Variants in DOCK3 observed in about 807,000 individuals in gnomAD.
DOCK3 encodes dedicator of cytokinesis protein 3.
Under a neutral mutation model 265.6 loss-of-function variants are expected in DOCK3, and 60 were observed. That is an observed-to-expected ratio of 0.23 (90% confidence interval 0.18 to 0.28). The LOEUF (loss-of-function observed/expected upper bound fraction) is 0.28, where lower values mean the gene tolerates loss of function less well. DOCK3 is among the 10% of genes least tolerant of loss of function. The probability of loss-of-function intolerance (pLI) is 1.00; values close to 1 mark genes in which losing one functional copy is unlikely to be tolerated. For synonymous variants in DOCK3, 881 were observed against 938.0 expected, an observed-to-expected ratio of 0.94 and a Z score of 1.11; for missense variants, 1,981 against 2,594.3, an observed-to-expected ratio of 0.76 and a Z score of 5.14.
intron 5 of DOCK3, among the ~76,000 whole-genome samples, chr3:51,021,025 T>C (rs1026460554): frequency 6.6e-6 from 1 of 152,012 alleles, no homozygotes; most frequent in Non-Finnish European, 1.5e-5. Context: ...GGTAGTTTAA[T>C]GGGAATAGCA....
chr3:51,058,244 A>G (rs887891219), intron 5 of DOCK3, among the ~76,000 whole-genome samples: 4 of 152,206 alleles, frequency 2.6e-5, no homozygotes, highest in Admixed American at 1.3e-4. Flanking sequence ...CACTGCTGCC[A>G]TATCTGTTGG....
intron 1 of DOCK3, among the ~76,000 whole-genome samples, chr3:50,761,166 T>A (rs1385955636): frequency 6.6e-6 from 1 of 152,164 alleles, no homozygotes; most frequent in African/African-American, 2.4e-5. Flanking sequence ...ATTTAGCTTT[T>A]ACTTTTATTA....
intron 27 of DOCK3, among the ~76,000 whole-genome samples, chr3:51,293,458 C>T (rs985151514): frequency 6.6e-6 from 1 of 150,828 alleles, no homozygotes; most frequent in Non-Finnish European, 1.5e-5. Context: ...TTTATCTCAC[C>T]CCCCTATAGA....
intron 51 of DOCK3, among the ~76,000 whole-genome samples, chr3:51,377,483 C>T (rs753760439): frequency 1.2e-4 from 18 of 152,144 alleles, no homozygotes; most frequent in Non-Finnish European, 1.9e-4. Flanking sequence ...GTGAGCCTGC[C>T]TTCAGGACCA....
chr3:51,288,175 T>A (rs576339991), intron 27 of DOCK3, among the ~76,000 whole-genome samples: 9 of 152,170 alleles, frequency 5.9e-5, no homozygotes, highest in African/African-American at 2.2e-4. Context: ...GGGGATCATT[T>A]GTGGTCAGGA....
At chr3:50,705,080 A>C (rs962579251) in intron 1 of DOCK3, among the ~76,000 whole-genome samples, 6 of 94,530 alleles carry the variant, frequency 6.3e-5, no homozygotes, top group Non-Finnish European at 1.3e-4. Flanking sequence ...TTCTTCTCCT[A>C]TTGTTGGCCT....
At chr3:50,996,652 G>T (rs2078295548) in intron 5 of DOCK3, among the ~76,000 whole-genome samples, 1 of 151,718 alleles carries the variant, frequency 6.6e-6, no homozygotes, top group Non-Finnish European at 1.5e-5. Context: ...TTTGATTCTT[G>T]GGGGGAAAAC....
chr3:50,835,324 C>T (rs1316895228), intron 2 of DOCK3, among the ~76,000 whole-genome samples: 1 of 152,202 alleles, frequency 6.6e-6, no homozygotes, highest in Admixed American at 6.5e-5. Flanking sequence ...ACTTAAGTCA[C>T]ATGAACTAAA....
Position 51,367,584 on chromosome 3 carries a change from G to T in DOCK3, c.5293+4910G>T, listed in dbSNP as rs182419644. Reference sequence around the variant, plus strand: ...TTAGTTGATGCAGTTTCTTTGTAGCGTTGATGGTGTTTACAATTTGGCATG... The same window carrying T: ...TTAGTTGATGCAGTTTCTTTGTAGCTTTGATGGTGTTTACAATTTGGCATG... On this transcript the variant is annotated intron_variant, in intron 49 of 52. Coordinates refer to ENST00000266037, the MANE Select transcript of DOCK3 (RefSeq NM_004947.5). Among the ~76,000 whole-genome samples the T allele has an allele frequency of 2.0e-4, 31 of 152,282 alleles. No homozygotes were observed. The East Asian group carries it at 5.0e-3, about 25-fold the overall frequency.
chr3:51,215,595 A>G (rs980905160), intron 14 of DOCK3, among the ~76,000 whole-genome samples: 1 of 152,216 alleles, frequency 6.6e-6, no homozygotes, highest in African/African-American at 2.4e-5. Context: ...TTGCCAGCAC[A>G]TACACAAAGA....
chr3:51,310,370 C>CA (rs2082999580), intron 28 of DOCK3, 44 bp downstream of exon 28: 2 of 1,482,324 alleles, frequency 1.3e-6, no homozygotes, highest in Non-Finnish European at 1.9e-6. Context: ...GAGCTGTTCT[C>CA]AGACTAAGAA....
chr3:51,106,530 C>G lies in DOCK3; in HGVS notation c.746+16146C>G, dbSNP rs552382957. Reference sequence around the variant, plus strand: ...TACATGAGTGTCCTTGCCCTTGCTTCCCCCTGCCACACCGCCATTGTTTTC... The same window carrying G: ...TACATGAGTGTCCTTGCCCTTGCTTGCCCCTGCCACACCGCCATTGTTTTC... On this transcript the variant is annotated intron_variant, in intron 9 of 52. Transcript: ENST00000266037. Among the ~76,000 whole-genome samples, 4 of 152,348 alleles carry G rather than the reference C, an allele frequency of 2.6e-5. No individual in the cohort carries two copies. In the East Asian group the frequency reaches 5.8e-4, roughly 22 times the overall value.
intron 4 of DOCK3, among the ~76,000 whole-genome samples, chr3:50,927,357 C>G (rs2108097713): frequency 6.6e-6 from 1 of 152,206 alleles, no homozygotes; most frequent in South Asian, 2.1e-4. Flanking sequence ...TTTGATAGCA[C>G]AACAGGATGT....
intron 1 of DOCK3, among the ~76,000 whole-genome samples, chr3:50,734,270 A>C (rs2038421011): frequency 6.6e-6 from 1 of 152,172 alleles, no homozygotes; most frequent in African/African-American, 2.4e-5. Flanking sequence ...ATACTTTGGG[A>C]GGCTGAGGTT....
At chr3:50,841,595 T>A in intron 2 of DOCK3, 80 bp from the exon 3 acceptor site, 1 of 577,828 alleles carries the variant, frequency 1.7e-6, no homozygotes, top group Non-Finnish European at 2.8e-6. Context: ...TGCATTTATC[T>A]ATTTTTTTCA....
intron 3 of DOCK3, among the ~76,000 whole-genome samples, chr3:50,864,240 A>C (rs1049190056): frequency 6.6e-6 from 1 of 152,122 alleles, no homozygotes; most frequent in Non-Finnish European, 1.5e-5. Flanking sequence ...ACCTGTTGCC[A>C]TTTGTACATC....
intron 2 of DOCK3, among the ~76,000 whole-genome samples, chr3:50,806,417 G>A (rs1415569049): frequency 6.6e-6 from 1 of 151,926 alleles, no homozygotes; most frequent in Non-Finnish European, 1.5e-5. Flanking sequence ...GGGTAGGCCA[G>A]GGGCATGTCT....
At chr3:50,907,970 T>G (rs547263210) in intron 4 of DOCK3, among the ~76,000 whole-genome samples, 3 of 152,118 alleles carry the variant, frequency 2.0e-5, no homozygotes, top group African/African-American at 7.2e-5. Flanking sequence ...CATCCAGTCA[T>G]TTATTCATTT....
At chr3:50,882,458 C>A (rs537431159) in intron 3 of DOCK3, among the ~76,000 whole-genome samples, 20 of 152,032 alleles carry the variant, frequency 1.3e-4, no homozygotes, top group Admixed American at 5.9e-4. Flanking sequence ...TGGGCAAAGG[C>A]TATGAACAGA....
Sources: allele counts gnomAD v4.1 joint callset (sites outside exome capture counted in the v4.1 genomes callset), GRCh38; gene constraint gnomAD v4.1.1; transcripts MANE v1.5; gene names NCBI Gene and HGNC (gene_info 2026-07-23, HGNC 2026-07-21).